Variants in LBR observed in about 807,000 individuals in gnomAD.
LBR encodes delta(14)-sterol reductase LBR.
In LBR, 28 loss-of-function variants were observed where a neutral mutation model predicts 74.3. The observed-to-expected ratio is 0.38, with a 90% CI of 0.28 to 0.52. The LOEUF is 0.52. LBR is among the 20% of genes least tolerant of loss of function. LBR has a pLI of 0.89. For synonymous variants in LBR, 228 were observed against 269.3 expected (o/e 0.85, Z 1.50); for missense variants, 717 against 760.3 (o/e 0.94, Z 0.67).
chr1:225,420,120 C>G (rs1174058080), intron 3 of LBR, among the ~76,000 whole-genome samples: 2 of 151,968 alleles, frequency 1.3e-5, no homozygotes, highest in Non-Finnish European at 2.9e-5. Flanking sequence ...CCAGCCTGGC[C>G]AACATGGTGA....
At chr1:225,417,646 G>A (rs991660464) in intron 6 of LBR, 15 of 214,134 alleles carry the variant, frequency 7.0e-5, no homozygotes, top group Admixed American at 5.9e-4. Flanking sequence ...ACTGAGAGTC[G>A]GCTACTTTGC....
rs1352864124 is a variant in LBR, at chr1:225,404,491, G to T, written c.1600C>A (p.Leu534Ile). 7.4e-6 allele frequency: 12 copies of T among 1,613,454 alleles called. No homozygotes were observed. The highest frequency in any genetic ancestry group is 1.0e-5 in the Non-Finnish European group (12 of 1,179,588). The change falls in exon 13 of 14, where the codon CTT becomes ATT. Residue 534 changes from leucine (L) to isoleucine (I), a missense_variant. Coordinates refer to ENST00000272163, the MANE Select transcript of LBR (RefSeq NM_002296.4). The stretch of plus-strand genomic sequence containing the variant: ...AAGCCCCACCATCCAGAAACTAGAA[G>T]ATTTTTTCCCGTTGAAGTATGAATG... ...KTIHTSTGKNLLVSGWWGFVR... is the reference protein window; with the variant it reads ...KTIHTSTGKNILVSGWWGFVR...
chr1:225,418,198 A>G lies in LBR; in HGVS notation c.641-18T>C. 1.2e-6 allele frequency: 2 copies of G among 1,607,832 alleles called. No individual in the cohort carries two copies. The highest frequency in any genetic ancestry group is 1.7e-6 in the Non-Finnish European group (2 of 1,175,552). On this transcript the variant is annotated intron_variant, in intron 5 of 13. Coordinates refer to ENST00000272163, the MANE Select transcript of LBR (RefSeq NM_002296.4). Reference sequence around the variant, plus strand: ...AAACACACCTGCAAACAATTCATGAACATTCGAGGCTCAAATTTCAATCTG... The same window carrying G: ...AAACACACCTGCAAACAATTCATGAGCATTCGAGGCTCAAATTTCAATCTG...
At chr1:225,420,364 T>G (rs939109017) in intron 3 of LBR, among the ~76,000 whole-genome samples, 1 of 151,786 alleles carries the variant, frequency 6.6e-6, no homozygotes, top group South Asian at 2.1e-4. Flanking sequence ...ATGTCATAAT[T>G]TCATTGATAG....
chr1:225,420,251 T>C (rs369215349), intron 3 of LBR, among the ~76,000 whole-genome samples: 80 of 151,618 alleles, frequency 5.3e-4, no homozygotes, highest in African/African-American at 1.7e-3. Context: ...GGAGGTTGCA[T>C]TGAGCCAAGA....
chr1:225,415,985 T>C (rs1042431978), intron 6 of LBR, among the ~76,000 whole-genome samples: 1 of 152,080 alleles, frequency 6.6e-6, no homozygotes, highest in African/African-American at 2.4e-5. Flanking sequence ...GGAGGATCAC[T>C]TGAGTCCAGG....
chr1:225,421,215 C>T (rs932478007), intron 3 of LBR, among the ~76,000 whole-genome samples: 7 of 152,198 alleles, frequency 4.6e-5, no homozygotes, highest in Admixed American at 1.3e-4. Context: ...AGTCTGTTGC[C>T]GGGCGCAGTG....
chr1:225,406,703 C>G lies in LBR; in HGVS notation c.1444G>C (p.Val482Leu). The change falls in exon 11 of 14, where the codon GTG (valine) becomes CTG (leucine). Residue 482 changes from valine to leucine, a missense_variant. Val to Leu is a conservative substitution (Grantham distance 32). Transcript: ENST00000272163. ...ATTAGAGAAGCCATTGGCCAAGACA[C>G]TTCATTTGGATGACTGACTAAATAA... Reference protein sequence around the residue: ...AFYLVSHPNEVSWPMASLIIV... With the variant: ...AFYLVSHPNELSWPMASLIIV... 6.2e-7 allele frequency: 1 copy of G among 1,613,752 alleles called. No homozygotes were observed. Among genetic ancestry groups the G allele is most frequent in the Non-Finnish European group, 8.5e-7 (1 of 1,179,934 alleles).
Position 225,413,866 on chromosome 1 carries a change from A to C in LBR, c.893-1221T>G, listed in dbSNP as rs936477571. On this transcript the variant is annotated intron_variant, in intron 7 of 13. Coordinates refer to ENST00000272163, the MANE Select transcript of LBR (RefSeq NM_002296.4). ...GCCAGCCACTCCCCCACTGGCTCCA[A>C]GAGCTCCATGTCCAAGTGCTGTGCT... 3.5e-5 allele frequency: 15 copies of C among 431,852 alleles called. No individual in the cohort carries two copies. In the Admixed American group the frequency reaches 3.5e-4, roughly 10 times the overall value. 26.8% of individuals were successfully genotyped at this position (431,852 alleles called of 1,614,324 possible). A position where few individuals can be genotyped will look rare whatever the true frequency, so the allele number is the denominator to read the frequency against.
chr1:225,424,367 C>T (rs373645899), intron 1 of LBR, among the ~76,000 whole-genome samples: 6 of 152,294 alleles, frequency 3.9e-5, no homozygotes, highest in Admixed American at 6.5e-5. Context: ...TCACAGTTCT[C>T]GCTAATCAAA....
At chr1:225,411,305 T>C (rs370879976) in intron 9 of LBR, 32 bp downstream of exon 9, 1 of 1,473,922 alleles carries the variant, frequency 6.8e-7, no homozygotes, top group Admixed American at 1.7e-5. Context: ...ACCTATTGAA[T>C]TGAAATTTAG....
chr1:225,422,023 A>G, intron 3 of LBR, 54 bp downstream of exon 3: 4 of 1,506,704 alleles, frequency 2.7e-6, no homozygotes, highest in Non-Finnish European at 1.8e-6. Flanking sequence ...TAACTTGAGT[A>G]AATATATACA....
intron 10 of LBR, among the ~76,000 whole-genome samples, chr1:225,408,026 CTTTG>C (rs2096096118): frequency 6.6e-6 from 1 of 152,180 alleles, no homozygotes; most frequent in Admixed American, 6.5e-5. Context: ...CACATTCTTT[CTTTG>C]TGTTAGGAAT....
chr1:225,424,695 T>G (rs995195403), intron 1 of LBR, among the ~76,000 whole-genome samples: 1 of 152,160 alleles, frequency 6.6e-6, no homozygotes, highest in Non-Finnish European at 1.5e-5. Flanking sequence ...GTTGCCTTCA[T>G]CCAAGCTCAC....
Position 225,406,664 on chromosome 1 carries a change from G to T in LBR, c.1483C>A (p.Leu495Ile), listed in dbSNP as rs541202772. The change falls in exon 11 of 14, where the codon CTT (leucine) becomes ATT (isoleucine). Residue 495 changes from leucine (L) to isoleucine (I), a missense_variant and splice_region_variant. Physicochemically the swap from Leu to Ile is conservative, Grantham distance 5. Coordinates refer to ENST00000272163, the MANE Select transcript of LBR (RefSeq NM_002296.4). ...PMASLIIVLKLCGYVIFRGAN... is the reference protein window; with the variant it reads ...PMASLIIVLKICGYVIFRGAN... ...AACTGAGACTAAAATTAATACTCACGTTTCAGAACAATAATTAGAGAAGCC... is the reference window on the plus strand; with the variant it reads ...AACTGAGACTAAAATTAATACTCACTTTTCAGAACAATAATTAGAGAAGCC... 5.0e-6 allele frequency: 8 copies of T among 1,609,076 alleles called. No homozygotes were observed. Among genetic ancestry groups the T allele is most frequent in the Non-Finnish European group, 6.8e-6 (8 of 1,177,854 alleles).
chr1:225,416,159 T>C (rs1382743643), intron 6 of LBR, among the ~76,000 whole-genome samples: 2 of 149,304 alleles, frequency 1.3e-5, no homozygotes, highest in African/African-American at 5.0e-5. Flanking sequence ...ATTGCACCAC[T>C]GCACTCCAGC....
chr1:225,413,043 G>A (rs1193378003), intron 7 of LBR, among the ~76,000 whole-genome samples: 1 of 152,142 alleles, frequency 6.6e-6, no homozygotes, highest in Non-Finnish European at 1.5e-5. Context: ...TAAGGGGAGG[G>A]TATTATGCAC....
At chr1:225,409,046 C>A (rs2096098698) in intron 10 of LBR, among the ~76,000 whole-genome samples, 1 of 152,338 alleles carries the variant, frequency 6.6e-6, no homozygotes, top group East Asian at 1.9e-4. Context: ...TTTGGCGATT[C>A]ATTCTATAAC....
At chr1:225,419,185 G>C (rs2096122890) in intron 5 of LBR, 78 bp downstream of exon 5, 4 of 1,343,924 alleles carry the variant, frequency 3.0e-6, no homozygotes, top group Non-Finnish European at 2.1e-6. Flanking sequence ...TCTTCAGAGA[G>C]GCCTTTCCAG....
Sources: gnomAD v4.1 joint callset for allele counts (sites outside exome capture counted in the v4.1 genomes callset) on GRCh38, gnomAD v4.1.1 for gene constraint, MANE v1.5 for transcripts, NCBI Gene and HGNC (gene_info 2026-07-23, HGNC 2026-07-21) for gene names.